DTNA: variants seen among roughly 807,000 people sequenced by gnomAD.
DTNA encodes dystrobrevin alpha, also known as dystrophin-related protein 3.
Under a neutral mutation model 100.7 loss-of-function variants are expected in DTNA, and 43 were observed. That is an observed-to-expected ratio of 0.43 (90% confidence interval 0.33 to 0.55). The LOEUF (loss-of-function observed/expected upper bound fraction) is 0.55, where lower values mean the gene tolerates loss of function less well. DTNA is among the 20% of genes least tolerant of loss of function. The pLI, the probability that DTNA is intolerant of heterozygous loss-of-function variation, is 0.04. For missense variants in DTNA, 798 were observed against 953.9 expected (o/e 0.84, Z 2.15); for synonymous variants, 349 against 347.9 (o/e 1.00, Z -0.04).
intron 21 of DTNA, among the ~76,000 whole-genome samples, chr18:34,883,693 T>C (rs2096895466): frequency 6.6e-6 from 1 of 152,216 alleles, no homozygotes; most frequent in South Asian, 2.1e-4. Context: ...AATTATCTCC[T>C]ATTTCTCATA....
intron 1 of DTNA, among the ~76,000 whole-genome samples, chr18:34,541,063 A>G (rs1056144104): frequency 1.3e-5 from 2 of 152,098 alleles, no homozygotes; most frequent in African/African-American, 4.8e-5. Context: ...AGTAAGACAT[A>G]ATATTCTTCA....
In DTNA at chr18:34,794,056, G is replaced by C. The variant is rs1286771259; in HGVS notation, c.168G>C (p.Trp56Cys). The C allele has an allele frequency of 6.2e-7, 1 of 1,614,018 alleles. No individual in the cohort carries two copies. Among genetic ancestry groups the C allele is most frequent in the Non-Finnish European group, 8.5e-7 (1 of 1,179,986 alleles). ...TTGTAGTGCACCTGGTGGACATATGGAATGTCATAGAAGCATTGCGGGAAA... is the reference window on the plus strand; with the variant it reads ...TTGTAGTGCACCTGGTGGACATATGCAATGTCATAGAAGCATTGCGGGAAA... ...KKCNLHLVDI[W>C]NVIEALRENA... Residue 56 changes from tryptophan to cysteine, a missense_variant, in exon 4 of 23, where the codon TGG becomes TGC. Physicochemically the swap from Trp to Cys is radical, Grantham distance 215 (BLOSUM62 -2). Around this residue, in one of 6 missense-constraint regions of DTNA, gnomAD observed 197 missense variants for 215.4 expected, o/e 0.91. Transcript: ENST00000444659.
intron 1 of DTNA, among the ~76,000 whole-genome samples, chr18:34,734,332 G>A (rs1392258805): frequency 6.6e-6 from 1 of 152,138 alleles, no homozygotes; most frequent in Non-Finnish European, 1.5e-5. Context: ...GGATGGGAAA[G>A]CTCTTTCTTC....
At chr18:34,493,584 T>A (rs12605860) in intron 1 of DTNA, 1 of 149,538 alleles carries the variant, frequency 6.7e-6, no homozygotes, top group Admixed American at 6.6e-5. Context: ...AGGGGGTCCG[T>A]GTGCCGGGCG....
chr18:34,695,732 C>A (rs1208750462), intron 1 of DTNA, among the ~76,000 whole-genome samples: 2 of 152,146 alleles, frequency 1.3e-5, no homozygotes, highest in African/African-American at 4.8e-5. Context: ...TGGGGAATGA[C>A]CATGGAAACA....
chr18:34,502,335 A>G (rs1601172451), intron 1 of DTNA, among the ~76,000 whole-genome samples: 3 of 152,088 alleles, frequency 2.0e-5, no homozygotes. Flanking sequence ...ATTTTTCTCT[A>G]TTATTTTTCT....
intron 1 of DTNA, among the ~76,000 whole-genome samples, chr18:34,529,257 TATC>T (rs1428556057): frequency 2.0e-5 from 3 of 152,140 alleles, no homozygotes; most frequent in Non-Finnish European, 2.9e-5. Context: ...TCCTAGTAAA[TATC>T]ATGGTATAAC....
chr18:34,862,506 T>A (rs1419593855), intron 16 of DTNA, among the ~76,000 whole-genome samples: 2 of 151,996 alleles, frequency 1.3e-5, no homozygotes, highest in Non-Finnish European at 2.9e-5. Context: ...TCATAATTCA[T>A]TATAGAAGAA....
At chr18:34,733,823 TC>T (rs1437872845) in intron 1 of DTNA, among the ~76,000 whole-genome samples, 3 of 152,162 alleles carry the variant, frequency 2.0e-5, no homozygotes, top group Admixed American at 2.0e-4. Flanking sequence ...TCCAGCTCAC[TC>T]ACAGTGGGCC....
At chr18:34,518,704 C>CGTGTGTGTGT (rs57035462) in intron 1 of DTNA, among the ~76,000 whole-genome samples, 10 of 121,534 alleles carry the variant, frequency 8.2e-5, no homozygotes, top group African/African-American at 2.4e-4. Flanking sequence ...ATTTGGCAAA[C>CGTGTGTGTGT]GTGTGTGTGT....
chr18:34,715,063 G>C (rs1380866594), intron 1 of DTNA, among the ~76,000 whole-genome samples: 2 of 146,286 alleles, frequency 1.4e-5, no homozygotes. Flanking sequence ...GTTGTGGGAT[G>C]GGGGGAGGGG....
At chr18:34,583,340 C>G (rs1179362716) in intron 1 of DTNA, among the ~76,000 whole-genome samples, 1 of 152,052 alleles carries the variant, frequency 6.6e-6, no homozygotes, top group African/African-American at 2.4e-5. Context: ...GCCCCCACCC[C>G]CAAACACACA....
intron 3 of DTNA, among the ~76,000 whole-genome samples, chr18:34,769,920 C>T (rs2093682463): frequency 1.3e-5 from 2 of 151,746 alleles, no homozygotes; most frequent in South Asian, 4.2e-4. Flanking sequence ...AGGGTTTCAC[C>T]ATGTTGGTCA....
At chr18:34,754,610 C>A (rs924262941) in intron 1 of DTNA, among the ~76,000 whole-genome samples, 2 of 152,048 alleles carry the variant, frequency 1.3e-5, no homozygotes, top group Non-Finnish European at 2.9e-5. Flanking sequence ...TCAGTAAAGG[C>A]TTGTTTTGTT....
At chr18:34,812,224 AC>A in intron 6 of DTNA, 111 bp downstream of exon 6, 1 of 1,471,252 alleles carries the variant, frequency 6.8e-7, no homozygotes, top group Non-Finnish European at 9.3e-7. Flanking sequence ...TGTGATAGCA[AC>A]CTGTATTGTA....
chr18:34,832,754 A>T (rs987482755), intron 11 of DTNA, among the ~76,000 whole-genome samples: 4 of 152,146 alleles, frequency 2.6e-5, no homozygotes, highest in Admixed American at 2.6e-4. Context: ...TATATTTCAG[A>T]TGTAAGCTAT....
At chr18:34,686,348 AG>A (rs2078899978) in intron 1 of DTNA, among the ~76,000 whole-genome samples, 2 of 152,160 alleles carry the variant, frequency 1.3e-5, no homozygotes, top group Admixed American at 6.5e-5. Flanking sequence ...TTTAGCATGA[AG>A]GGGTGTTGAA....
At chr18:34,878,504 C>CT (rs2096840943) in intron 19 of DTNA, among the ~76,000 whole-genome samples, 1 of 151,978 alleles carries the variant, frequency 6.6e-6, no homozygotes, top group Admixed American at 6.5e-5. Context: ...GGGGTCTTGC[C>CT]TTTTTTCCCC....
chr18:34,596,192 CTGTTTTT>C (rs1382715410), intron 1 of DTNA, among the ~76,000 whole-genome samples: 1 of 152,040 alleles, frequency 6.6e-6, no homozygotes, highest in Admixed American at 6.6e-5. Flanking sequence ...AGGCTCTTTG[CTGTTTTT>C]TGTTTGGTTG....
Sources: allele counts gnomAD v4.1 joint callset (sites outside exome capture counted in the v4.1 genomes callset), GRCh38; gene constraint gnomAD v4.1.1; regional missense constraint gnomAD v4.1.1; transcripts MANE v1.5; gene names NCBI Gene and HGNC (gene_info 2026-07-23, HGNC 2026-07-21).